Variants in PRELID2 observed in about 807,000 individuals in gnomAD.
PRELID2 encodes PRELI domain containing 2, also known as PRELI domain-containing protein 2.
In PRELID2, 25 loss-of-function variants were observed where a neutral mutation model predicts 28.4. The observed-to-expected ratio is 0.88, with a 90% CI of 0.64 to 1.23. The LOEUF (loss-of-function observed/expected upper bound fraction) is 1.23, where lower values mean the gene tolerates loss of function less well. Ranked by LOEUF, PRELID2 falls within the 50% of genes most tolerant of loss-of-function variation. The pLI is 0.00. For synonymous variants in PRELID2, 76 were observed against 71.6 expected (o/e 1.06, Z -0.31); for missense variants, 201 against 214.4 (o/e 0.94, Z 0.39).
At chr5:145,801,710 C>T (rs758137429) in intron 4 of PRELID2, among the ~76,000 whole-genome samples, 4 of 152,116 alleles carry the variant, frequency 2.6e-5, no homozygotes, top group Non-Finnish European at 5.9e-5. Flanking sequence ...TAGCTATCAC[C>T]TCAAAATCCT....
the PRELID2 span, among the ~76,000 whole-genome samples, chr5:145,353,468 A>AG: frequency 6.6e-6 from 1 of 151,872 alleles, no homozygotes; most frequent in African/African-American, 2.4e-5. Context: ...ATCTCAAAAA[A>AG]AAAAGAAAAG....
At chr5:145,734,523 CAA>C (rs1190256770) in intron 1 of PRELID2, among the ~76,000 whole-genome samples, 1 of 152,010 alleles carries the variant, frequency 6.6e-6, no homozygotes, top group African/African-American at 2.4e-5. Context: ...CTTTTGAGAC[CAA>C]AAGTCTACCA....
chr5:145,640,438 T>G (rs1754083131), intron 1 of PRELID2, among the ~76,000 whole-genome samples: 1 of 135,978 alleles, frequency 7.4e-6, no homozygotes, highest in Admixed American at 8.1e-5. Flanking sequence ...ATCGCGCCAC[T>G]GCACTCCAGC....
intron 1 of PRELID2, among the ~76,000 whole-genome samples, chr5:145,823,927 A>G (rs974394643): frequency 2.6e-5 from 4 of 152,228 alleles, no homozygotes; most frequent in African/African-American, 4.8e-5. Context: ...TCATATATGA[A>G]AAATAAGGCT....
At chr5:145,271,030 G>A in the PRELID2 span, among the ~76,000 whole-genome samples, 1 of 152,050 alleles carries the variant, frequency 6.6e-6, no homozygotes. Flanking sequence ...AGAGTGAGGA[G>A]CAAACGGGAA....
At chr5:145,409,127 T>G in the PRELID2 span, among the ~76,000 whole-genome samples, 1 of 152,118 alleles carries the variant, frequency 6.6e-6, no homozygotes, top group East Asian at 1.9e-4. Flanking sequence ...CTAAGCTTCA[T>G]AAATGAAGGA....
chr5:145,557,789 C>T (rs1475567126), intron 1 of PRELID2, among the ~76,000 whole-genome samples: 1 of 152,184 alleles, frequency 6.6e-6, no homozygotes, highest in Non-Finnish European at 1.5e-5. Flanking sequence ...CCAAGGTCAA[C>T]ACTTAGTAAA....
chr5:145,488,142 G>T lies in PRELID2; in HGVS notation n.71-14827C>A, dbSNP rs542617606. 1.1e-4 allele frequency among the ~76,000 whole-genome samples: 13 copies of T among 119,228 alleles called. No homozygotes were observed. In the South Asian group the frequency reaches 3.9e-3, roughly 36 times the overall value. The allele number at this position is 119,228 out of a possible 152,430, so 78.2% of individuals were successfully genotyped here. ...CTGTCTCAAAAAAAAAAAAAAAAAA[G>T]GAATTGGAAAAACAAAACTAAACCC... is the stretch of plus-strand genomic sequence containing the variant. On this transcript the variant is annotated intron_variant and non_coding_transcript_variant, in intron 1 of 2. Transcript: ENST00000510259.
chr5:145,745,095 C>A (rs905029895), intron 1 of PRELID2, among the ~76,000 whole-genome samples: 2 of 151,642 alleles, frequency 1.3e-5, no homozygotes, highest in East Asian at 3.9e-4. Context: ...ATCGACCAAG[C>A]AGAAGAAAGG....
chr5:145,383,285 G>A, the PRELID2 span, among the ~76,000 whole-genome samples: 712 of 149,970 alleles, frequency 4.7e-3, 5 homozygotes, highest in African/African-American at 0.016. Flanking sequence ...ACACACATAC[G>A]TACATATATA....
intron 1 of PRELID2, among the ~76,000 whole-genome samples, chr5:145,641,932 G>A (rs1449061025): frequency 6.6e-6 from 1 of 152,188 alleles, no homozygotes; most frequent in Non-Finnish European, 1.5e-5. Flanking sequence ...CATTTGGGTT[G>A]GTTCCAAGTC....
At chr5:145,564,664 C>T (rs2126696836) in intron 1 of PRELID2, among the ~76,000 whole-genome samples, 1 of 152,334 alleles carries the variant, frequency 6.6e-6, no homozygotes, top group Middle Eastern at 3.4e-3. Flanking sequence ...TCCTGGACTT[C>T]ATGTGAGCAG....
intron 1 of PRELID2, among the ~76,000 whole-genome samples, chr5:145,720,945 T>G (rs1468549488): frequency 6.6e-6 from 1 of 152,128 alleles, no homozygotes; most frequent in Non-Finnish European, 1.5e-5. Context: ...GAGTTATATC[T>G]ATTATGAAGT....
downstream of PRELID2, among the ~76,000 whole-genome samples, chr5:145,471,486 T>C (rs1752053751): frequency 1.3e-5 from 2 of 152,268 alleles, no homozygotes; most frequent in South Asian, 4.1e-4. Flanking sequence ...TGACTCCTTG[T>C]GGGTTCTAGG....
chr5:145,569,990 G>A (rs1328126715), intron 1 of PRELID2, among the ~76,000 whole-genome samples: 2 of 152,150 alleles, frequency 1.3e-5, no homozygotes, highest in African/African-American at 4.8e-5. Context: ...CAAGGTGTTG[G>A]CCAGGTGGAT....
chr5:145,386,143 A>G, the PRELID2 span, among the ~76,000 whole-genome samples: 3 of 152,094 alleles, frequency 2.0e-5, no homozygotes, highest in Non-Finnish European at 4.4e-5. Context: ...CAGAAAGGGA[A>G]GCAAACACGT....
At chr5:145,357,830 A>T in the PRELID2 span, among the ~76,000 whole-genome samples, 2 of 151,870 alleles carry the variant, frequency 1.3e-5, no homozygotes, top group Non-Finnish European at 2.9e-5. Context: ...TGACTTTTTG[A>T]GTTGCCAGAG....
chr5:145,664,606 G>A (rs1313890292), intron 1 of PRELID2, among the ~76,000 whole-genome samples: 4 of 151,918 alleles, frequency 2.6e-5, no homozygotes. Flanking sequence ...CTAACTCTTT[G>A]AGCCAGCAAA....
the PRELID2 span, among the ~76,000 whole-genome samples, chr5:145,291,335 C>CACAAAAAAAAAAAAA: frequency 1.6e-4 from 9 of 57,474 alleles, no homozygotes; most frequent in African/African-American, 9.8e-4. Flanking sequence ...GACTCTGTTT[C>CACAAAAAAAAAAAAA]AGAAAAAAAA....
Sources: allele counts gnomAD v4.1 joint callset (sites outside exome capture counted in the v4.1 genomes callset), GRCh38; gene constraint gnomAD v4.1.1; transcripts MANE v1.5; gene names NCBI Gene and HGNC (gene_info 2026-07-23, HGNC 2026-07-21).